The following SLC4A7 variants were observed in gnomAD, a reference collection of about 807,000 sequenced individuals.
SLC4A7 encodes the protein solute carrier family 4 member 7, also known as sodium bicarbonate cotransporter 3.
Under a neutral mutation model 137.6 loss-of-function variants are expected in SLC4A7, and 51 were observed. That is an observed-to-expected ratio of 0.37 (90% CI 0.30 to 0.47). The LOEUF is 0.47. SLC4A7 is among the 20% of genes least tolerant of loss of function. The pLI, the probability that SLC4A7 is intolerant of heterozygous loss-of-function variation, is 1.00. For synonymous variants in SLC4A7, 542 were observed against 518.6 expected, an observed-to-expected ratio of 1.05 and a Z score of -0.61; for missense variants, 1,247 against 1,525.4, an observed-to-expected ratio of 0.82 and a Z score of 3.04.
At chr3:27,425,877 C>G (rs112539923) in intron 7 of SLC4A7, among the ~76,000 whole-genome samples, 131 of 151,974 alleles carry the variant, frequency 8.6e-4, no homozygotes, top group African/African-American at 2.9e-3. Context: ...GGAAAAGGTA[C>G]TGAAATACAA....
chr3:27,443,589 C>T (rs1267706389), intron 3 of SLC4A7, among the ~76,000 whole-genome samples: 2 of 151,850 alleles, frequency 1.3e-5, no homozygotes, highest in Non-Finnish European at 2.9e-5. Context: ...AGTTTCTTAG[C>T]TAGAAGTTTA....
chr3:27,427,466 C>T (rs1341787758), intron 7 of SLC4A7, among the ~76,000 whole-genome samples: 1 of 151,910 alleles, frequency 6.6e-6, no homozygotes, highest in African/African-American at 2.4e-5. Flanking sequence ...TTAATTTATA[C>T]AATTTATAAT....
intron 1 of SLC4A7, among the ~76,000 whole-genome samples, chr3:27,461,606 C>CAAAAA (rs200548018): frequency 1.2e-5 from 1 of 86,790 alleles, no homozygotes; most frequent in Non-Finnish European, 2.3e-5. Flanking sequence ...ACCTCGTTTA[C>CAAAAA]AAAAAAAAAA....
chr3:27,380,105 G>A (rs180913520), intron 24 of SLC4A7, among the ~76,000 whole-genome samples: 73 of 152,252 alleles, frequency 4.8e-4, no homozygotes, highest in African/African-American at 1.4e-3. Context: ...TCAGGAGTTC[G>A]AGACCAGCCT....
At chr3:27,455,560 G>A (rs2058348883) in intron 1 of SLC4A7, among the ~76,000 whole-genome samples, 1 of 149,436 alleles carries the variant, frequency 6.7e-6, no homozygotes. Flanking sequence ...TGCGTAACTT[G>A]CATAACTAAA....
chr3:27,408,886 A>G (rs1364709735), intron 13 of SLC4A7, among the ~76,000 whole-genome samples: 3 of 152,254 alleles, frequency 2.0e-5, no homozygotes, highest in Admixed American at 1.3e-4. Context: ...CACAGTTTCC[A>G]TAATTATGTT....
At chr3:27,454,478 A>C (rs1013243462) in intron 1 of SLC4A7, among the ~76,000 whole-genome samples, 9 of 152,222 alleles carry the variant, frequency 5.9e-5, no homozygotes, top group African/African-American at 1.9e-4. Context: ...GAAAGAAAAA[A>C]ATTTTTTAAT....
At chr3:27,384,863 G>A (rs960442086) in intron 23 of SLC4A7, among the ~76,000 whole-genome samples, 8 of 151,822 alleles carry the variant, frequency 5.3e-5, no homozygotes, top group Non-Finnish European at 7.4e-5. Flanking sequence ...GCTTGGACCC[G>A]GGAGGTTGAG....
At chr3:27,417,210 G>A (rs2054476971) in intron 11 of SLC4A7, among the ~76,000 whole-genome samples, 1 of 152,182 alleles carries the variant, frequency 6.6e-6, no homozygotes, top group South Asian at 2.1e-4. Flanking sequence ...AATAAAGGCA[G>A]CATCACCAAC....
At chr3:27,397,838 T>C (rs1273158181) in intron 17 of SLC4A7, 41 bp from the exon 18 acceptor site, 1 of 1,116,632 alleles carries the variant, frequency 9.0e-7, no homozygotes, top group African/African-American at 1.6e-5. Flanking sequence ...ACAGAAATAC[T>C]ATGTGTTCTT....
intron 7 of SLC4A7, among the ~76,000 whole-genome samples, chr3:27,426,287 T>C (rs1002968979): frequency 6.6e-6 from 1 of 152,242 alleles, no homozygotes; most frequent in African/African-American, 2.4e-5. Context: ...TCAACTCATT[T>C]CTTACAACCT....
rs535943800 is a variant in SLC4A7, at chr3:27,451,140, TA to T, written c.142+1276del. ...GGCTCTTAAAGCCAATTTTTAGAGT[TA>T]AAAAAAAAAATCGTTTAGAGTTTAA... On this transcript the variant is annotated intron_variant, in intron 2 of 25. Coordinates refer to ENST00000454389, the MANE Select transcript of SLC4A7 (RefSeq NM_001321103.2). 3.9e-3 allele frequency among the ~76,000 whole-genome samples: 573 copies of T among 148,038 alleles called. 3 individuals are homozygous for T. Among genetic ancestry groups the T allele is most frequent in the African/African-American group, 0.013 (528 of 40,706 alleles).
At chr3:27,415,186 T>C (rs959672312) in intron 11 of SLC4A7, among the ~76,000 whole-genome samples, 2 of 152,184 alleles carry the variant, frequency 1.3e-5, no homozygotes, top group Non-Finnish European at 2.9e-5. Context: ...GGTGCTGAAC[T>C]CACAGGTTTT....
At chr3:27,454,966 T>C (rs1306684163) in intron 1 of SLC4A7, among the ~76,000 whole-genome samples, 2 of 151,464 alleles carry the variant, frequency 1.3e-5, no homozygotes, top group Non-Finnish European at 2.9e-5. Context: ...CCTCTAAATA[T>C]CTATCATAGA....
Position 27,411,731 on chromosome 3 carries a change from A to G in SLC4A7, c.1677T>C (p.Pro559=). ...SVPSQEKRKI[P]VFHNGSTPTL... Reference sequence around the variant, plus strand: ...TGGGGGTAGATCCATTGTGAAACACAGGAATCTTTCTCTTTTCCTGAATTT... The same window carrying G: ...TGGGGGTAGATCCATTGTGAAACACGGGAATCTTTCTCTTTTCCTGAATTT... Residue 559 remains proline, a synonymous_variant, in exon 12 of 26, where the codon CCT becomes CCC. Coordinates refer to ENST00000454389, the MANE Select transcript of SLC4A7 (RefSeq NM_001321103.2). The G allele has an allele frequency of 6.5e-7, 1 of 1,530,200 alleles. No homozygotes were observed. Among genetic ancestry groups the G allele is most frequent in the South Asian group, 1.3e-5 (1 of 77,320 alleles). The allele number at this position is 1,530,200 out of a possible 1,614,324, so 94.8% of individuals were successfully genotyped here.
intron 9 of SLC4A7, among the ~76,000 whole-genome samples, chr3:27,421,109 T>C (rs770393227): frequency 2.6e-5 from 4 of 152,060 alleles, no homozygotes; most frequent in Admixed American, 6.5e-5. Flanking sequence ...TTTATTTTAT[T>C]GTACTTTTTA....
rs777880768 is a variant in SLC4A7, at chr3:27,461,730, C to A, written c.61-9232G>T. ...ATCCCAATACTTTGGGAGGCCGAGG[C>A]GGGCAGATCACTTGAGGTCAGGAGT... On this transcript the variant is annotated intron_variant, in intron 1 of 25. Coordinates refer to ENST00000454389, the MANE Select transcript of SLC4A7 (RefSeq NM_001321103.2). Among the ~76,000 whole-genome samples the A allele has an allele frequency of 5.3e-5, 8 of 151,146 alleles. No homozygotes were observed. In the East Asian group the frequency reaches 7.8e-4, roughly 15 times the overall value.
chr3:27,400,960 C>T, intron 15 of SLC4A7, 91 bp from the exon 16 acceptor site: 4 of 703,152 alleles, frequency 5.7e-6, no homozygotes, highest in Admixed American at 2.6e-5. Flanking sequence ...TAGATTTTAA[C>T]TTCTTTTTTT....
intron 3 of SLC4A7, among the ~76,000 whole-genome samples, 163 bp from the exon 4 acceptor site, chr3:27,437,689 G>C (rs1242383987): frequency 2.3e-5 from 3 of 133,174 alleles, no homozygotes; most frequent in Non-Finnish European, 4.9e-5. Flanking sequence ...AAGGAAACAA[G>C]AACCAACAAT....
Sources: allele counts gnomAD v4.1 joint callset (sites outside exome capture counted in the v4.1 genomes callset), GRCh38; gene constraint gnomAD v4.1.1; transcripts MANE v1.5; gene names NCBI Gene and HGNC (gene_info 2026-07-23, HGNC 2026-07-21).